CA10: variants seen among roughly 807,000 people sequenced by gnomAD.
The protein encoded by CA10 is carbonic anhydrase-related protein 10.
In CA10, 14 loss-of-function variants were observed where a neutral mutation model predicts 44.2. The observed-to-expected ratio is 0.32, with a 90% CI of 0.21 to 0.50. The LOEUF (loss-of-function observed/expected upper bound fraction) is 0.50. CA10 is among the 20% of genes least tolerant of loss of function. CA10 has a pLI of 0.99. For missense variants in CA10, 350 were observed against 409.7 expected, an observed-to-expected ratio of 0.85 and a Z score of 1.26; for synonymous variants, 159 against 141.6, an observed-to-expected ratio of 1.12 and a Z score of -0.87.
chr17:51,664,391 A>G (rs962641024), intron 4 of CA10, among the ~76,000 whole-genome samples: 1 of 152,144 alleles, frequency 6.6e-6, no homozygotes, highest in Non-Finnish European at 1.5e-5. Flanking sequence ...GTTAAGGGTA[A>G]ATCAATGCTG....
chr17:51,926,659 C>T lies in CA10; in HGVS notation c.279+4331G>A, dbSNP rs189504387. On this transcript the variant is annotated intron_variant, in intron 3 of 8. Coordinates refer to ENST00000451037, the MANE Select transcript of CA10 (RefSeq NM_020178.5). ...CTTGGCTCATGGCCCTGTGTCACTC[C>T]GACCTCTGCTTCCATCCTCACGTCT... Among the ~76,000 whole-genome samples, 77 of 152,298 alleles carry T rather than the reference C, an allele frequency of 5.1e-4. 1 individual carries two copies. The highest frequency in any genetic ancestry group is 1.2e-3 in the African/African-American group (49 of 41,576).
chr17:51,862,872 A>G (rs62063222), intron 3 of CA10, among the ~76,000 whole-genome samples: 4,012 of 152,164 alleles, frequency 0.026, 82 homozygotes, highest in Middle Eastern at 0.058. Flanking sequence ...CCATCATGAG[A>G]GTCCTATCCT....
chr17:51,771,518 T>TCTGTAATG (rs1222997538), intron 3 of CA10, among the ~76,000 whole-genome samples: 1 of 152,130 alleles, frequency 6.6e-6, no homozygotes, highest in Non-Finnish European at 1.5e-5. Context: ...TTGCCTACTC[T>TCTGTAATG]CTGTAATGGC....
At chr17:52,159,141 T>C (rs1182293240), upstream of CA10, 1 of 152,006 alleles carries the variant, frequency 6.6e-6, no homozygotes, top group Admixed American at 6.6e-5. Flanking sequence ...GGGAGTGCTG[T>C]GCTGTGCTCT....
At chr17:51,903,382 C>T (rs1182201664) in intron 3 of CA10, among the ~76,000 whole-genome samples, 1 of 152,156 alleles carries the variant, frequency 6.6e-6, no homozygotes, top group Admixed American at 6.6e-5. Flanking sequence ...TACCACACTG[C>T]CGCTTCCTTT....
chr17:51,853,707 G>A (rs983014508), intron 3 of CA10, among the ~76,000 whole-genome samples: 2 of 152,144 alleles, frequency 1.3e-5, no homozygotes, highest in Non-Finnish European at 2.9e-5. Flanking sequence ...ACGTGTCGCG[G>A]GAGGGAGGTG....
chr17:51,794,997 G>A (rs1906652631), intron 3 of CA10, among the ~76,000 whole-genome samples: 1 of 152,184 alleles, frequency 6.6e-6, no homozygotes, highest in Admixed American at 6.5e-5. Flanking sequence ...AAGAATGCAG[G>A]ATGGCATCAG....
At chr17:52,048,187 T>C (rs1986966514) in intron 2 of CA10, among the ~76,000 whole-genome samples, 1 of 152,052 alleles carries the variant, frequency 6.6e-6, no homozygotes, top group Non-Finnish European at 1.5e-5. Flanking sequence ...GTCAGTCACT[T>C]AACATTCTTG....
At chr17:51,981,303 A>C (rs888253864) in intron 2 of CA10, among the ~76,000 whole-genome samples, 16 of 152,098 alleles carry the variant, frequency 1.1e-4, no homozygotes, top group African/African-American at 3.4e-4. Context: ...GAAAATAGAT[A>C]AACTGTGATA....
intron 3 of CA10, among the ~76,000 whole-genome samples, chr17:51,925,452 T>G (rs1982390343): frequency 6.6e-6 from 1 of 151,616 alleles, no homozygotes; most frequent in African/African-American, 2.4e-5. Context: ...AACAAGTTTC[T>G]GTGAGGATAT....
chr17:51,884,805 G>A (rs1980527144), intron 3 of CA10, among the ~76,000 whole-genome samples: 1 of 152,194 alleles, frequency 6.6e-6, no homozygotes, highest in Admixed American at 6.5e-5. Flanking sequence ...AATCTGTGCT[G>A]TGCCTCTGTC....
rs142101410 is a variant in CA10 at position 51,693,320 on chromosome 17, T to C, written c.466-39584A>G. 3.4e-3 allele frequency among the ~76,000 whole-genome samples: 512 copies of C among 152,346 alleles called. 2 individuals carry two copies. Among genetic ancestry groups the C allele is most frequent in the African/African-American group, 0.011 (441 of 41,570 alleles). ...TTAGAACAGTTTAGACTCCTCTGGG[T>C]AATTATATCTTTTTCTCTTTAAAAA... On this transcript the variant is annotated intron_variant, in intron 4 of 8. Coordinates refer to ENST00000451037, the MANE Select transcript of CA10 (RefSeq NM_020178.5).
intron 2 of CA10, among the ~76,000 whole-genome samples, chr17:52,050,667 T>C (rs1335474978): frequency 5.3e-5 from 8 of 152,048 alleles, no homozygotes; most frequent in African/African-American, 1.9e-4. Flanking sequence ...CTTTCTCACT[T>C]CAAGGACTTC....
At chr17:51,882,066 C>CAAA (rs57495108) in intron 3 of CA10, among the ~76,000 whole-genome samples, 1 of 82,138 alleles carries the variant, frequency 1.2e-5, no homozygotes, top group African/African-American at 3.8e-5. Context: ...GCAGTGGCAA[C>CAAA]AAAAAAAAAA....
chr17:51,681,345 A>T (rs1186936316), intron 4 of CA10, among the ~76,000 whole-genome samples: 2 of 152,198 alleles, frequency 1.3e-5, no homozygotes, highest in Non-Finnish European at 2.9e-5. Context: ...TGATTTTCTG[A>T]TGCCATCAGT....
At chr17:51,657,500 C>G (rs966733244) in intron 4 of CA10, among the ~76,000 whole-genome samples, 8 of 152,204 alleles carry the variant, frequency 5.3e-5, no homozygotes, top group African/African-American at 1.9e-4. Context: ...GCAGGGTTCA[C>G]TGCTTCTCCT....
intron 3 of CA10, among the ~76,000 whole-genome samples, chr17:51,923,312 T>G (rs775807834): frequency 2.6e-4 from 39 of 152,190 alleles, no homozygotes; most frequent in Non-Finnish European, 4.4e-4. Context: ...AAGATCCTCC[T>G]GCAAGTTACA....
intron 2 of CA10, among the ~76,000 whole-genome samples, chr17:51,966,439 A>T (rs1054491511): frequency 6.6e-6 from 1 of 151,912 alleles, no homozygotes; most frequent in African/African-American, 2.4e-5. Context: ...GAGGTATCAC[A>T]TTACCTGACT....
chr17:51,816,539 T>C (rs537804783), intron 3 of CA10, among the ~76,000 whole-genome samples: 44 of 152,312 alleles, frequency 2.9e-4, no homozygotes, highest in African/African-American at 9.9e-4. Flanking sequence ...TAACCTCTAA[T>C]TGAAAGCATT....
Sources: gnomAD v4.1 joint callset for allele counts (sites outside exome capture counted in the v4.1 genomes callset) on GRCh38, gnomAD v4.1.1 for gene constraint, MANE v1.5 for transcripts, NCBI Gene and HGNC (gene_info 2026-07-23, HGNC 2026-07-21) for gene names.